The following CGNL1 variants were observed in gnomAD, a reference collection of about 807,000 sequenced individuals.
CGNL1 encodes the protein cingulin-like protein 1.
In CGNL1, 132 loss-of-function variants were observed where a neutral mutation model predicts 141.2. The ratio of observed to expected loss-of-function variants is 0.93; its 90% CI spans 0.81 to 1.08. CGNL1 has a LOEUF of 1.08. CGNL1 is among the 50% of genes least tolerant of loss of function. The pLI, the probability that CGNL1 is intolerant of heterozygous loss-of-function variation, is 0.00. For missense variants in CGNL1, 1,870 were observed against 1,588.6 expected, an observed-to-expected ratio of 1.18 and a Z score of -3.01; for synonymous variants, 690 against 622.1, an observed-to-expected ratio of 1.11 and a Z score of -1.63.
At chr15:57,398,783 T>C (rs1380836788) in intron 1 of CGNL1, among the ~76,000 whole-genome samples, 8 of 152,234 alleles carry the variant, frequency 5.3e-5, no homozygotes, top group African/African-American at 1.9e-4. Context: ...GCATTTTGAA[T>C]AGAGAACACC....
At position 57,399,798 on chromosome 15, in the gene CGNL1, C is replaced by T. The variant is rs183424025; in HGVS notation, c.-16+23231C>T. ...CTCCAGCACTGAGGCTGGAGGATTG[C>T]TTCAGCCCAGGAGTTTGAGACCAGC... is the stretch of plus-strand genomic sequence containing the variant. On this transcript the variant is annotated intron_variant, in intron 1 of 18. Transcript: ENST00000281282. Among the ~76,000 whole-genome samples, 493 of 152,158 alleles carry T rather than the reference C, an allele frequency of 3.2e-3. 5 individuals are homozygous for T. Among genetic ancestry groups the T allele is most frequent in the African/African-American group, 0.011 (473 of 41,504 alleles).
intron 10 of CGNL1, among the ~76,000 whole-genome samples, chr15:57,520,857 C>A (rs376998354): frequency 3.3e-5 from 5 of 152,158 alleles, no homozygotes; most frequent in African/African-American, 1.2e-4. Flanking sequence ...TCTGGTTAAG[C>A]TGCCCATTCC....
At position 57,442,399 on chromosome 15, in the gene CGNL1, A is replaced by C; in HGVS notation, c.1724A>C (p.Lys575Thr). ...EGSTDNDDAT[K>T]RKVNLVFEKI... ...AGCACTGATAATGACGATGCTACTA[A>C]AAGGAAAGTCAACTTGGTCTTTGAG... The change falls in exon 4 of 19, where the codon AAA becomes ACA. Residue 575 changes from lysine to threonine, a missense_variant. By Grantham distance (78) the Lys-to-Thr change is moderately conservative (BLOSUM62 -1). Transcript: ENST00000281282. 6.2e-7 allele frequency: 1 copy of C among 1,613,288 alleles called. No homozygotes were observed. Among genetic ancestry groups the C allele is most frequent in the East Asian group, 2.2e-5 (1 of 44,840 alleles).
At chr15:57,443,205 C>A (rs948678725) in intron 4 of CGNL1, among the ~76,000 whole-genome samples, 1 of 152,116 alleles carries the variant, frequency 6.6e-6, no homozygotes, top group Non-Finnish European at 1.5e-5. Context: ...TAAATAACTG[C>A]CTGTCTGATT....
At chr15:57,418,530 C>G (rs1301092252) in intron 1 of CGNL1, among the ~76,000 whole-genome samples, 1 of 152,196 alleles carries the variant, frequency 6.6e-6, no homozygotes, top group African/African-American at 2.4e-5. Flanking sequence ...CTCCTTCTTC[C>G]TTCTGTAAGA....
intron 8 of CGNL1, among the ~76,000 whole-genome samples, chr15:57,492,546 G>A (rs2063880648): frequency 6.6e-6 from 1 of 152,128 alleles, no homozygotes; most frequent in African/African-American, 2.4e-5. Flanking sequence ...AAATATAAAT[G>A]TAAATAGAAT....
chr15:57,516,085 G>T (rs2030760316), intron 8 of CGNL1, among the ~76,000 whole-genome samples: 1 of 148,120 alleles, frequency 6.8e-6, no homozygotes, highest in South Asian at 2.1e-4. Context: ...TGTGAACCCA[G>T]GAGGCGGAGC....
At chr15:57,467,683 TGTC>T (rs1483633581) in intron 8 of CGNL1, among the ~76,000 whole-genome samples, 75 of 138,930 alleles carry the variant, frequency 5.4e-4, no homozygotes, top group Non-Finnish European at 5.6e-4. Context: ...TAAGAGTCTC[TGTC>T]TTTTTTTTTT....
In CGNL1 at chr15:57,501,501, G is replaced by A. The variant is rs144265804; in HGVS notation, c.2404-15279G>A. Among the ~76,000 whole-genome samples, 567 of 152,338 alleles carry A rather than the reference G, an allele frequency of 3.7e-3. 6 individuals carry two copies. The highest frequency in any genetic ancestry group is 0.013 in the African/African-American group (531 of 41,580). On this transcript the variant is annotated intron_variant, in intron 8 of 18. Transcript: ENST00000281282. ...CCAGCAACTTACCTGCGGCAATGTG[G>A]GGAGTTAGGCTTATTGTCCAGTTCC... is the stretch of plus-strand genomic sequence containing the variant.
Position 57,395,485 on chromosome 15 carries a change from A to T in CGNL1, c.-16+18918A>T, listed in dbSNP as rs549402031. Among the ~76,000 whole-genome samples, 19 of 152,344 alleles carry T rather than the reference A, an allele frequency of 1.2e-4. No individual in the cohort carries two copies. The South Asian group carries it at 3.9e-3, about 32-fold the overall frequency. On this transcript the variant is annotated intron_variant, in intron 1 of 18. Transcript: ENST00000281282. The stretch of plus-strand genomic sequence containing the variant: ...ATGCTGTGATTCGCGTTATGCACAG[A>T]TGGCTACTGAATGCCCAGGTCACAG...
At chr15:57,541,014 C>A (rs1418192273) in intron 14 of CGNL1, among the ~76,000 whole-genome samples, 1 of 152,220 alleles carries the variant, frequency 6.6e-6, no homozygotes, top group Non-Finnish European at 1.5e-5. Flanking sequence ...CTGGCTTCCT[C>A]AGAAGGGTGC....
At chr15:57,394,317 G>A (rs189067193) in intron 1 of CGNL1, among the ~76,000 whole-genome samples, 1 of 151,814 alleles carries the variant, frequency 6.6e-6, no homozygotes, top group Non-Finnish European at 1.5e-5. Flanking sequence ...TAGAGATGGG[G>A]TTTCTCCATG....
At chr15:57,536,363 C>T (rs1427623976) in intron 14 of CGNL1, among the ~76,000 whole-genome samples, 2 of 152,118 alleles carry the variant, frequency 1.3e-5, no homozygotes, top group African/African-American at 2.4e-5. Flanking sequence ...TTTACATGCT[C>T]AGGACAATAT....
In CGNL1 at chr15:57,502,275, G is replaced by A. The variant is rs565898313; in HGVS notation, c.2404-14505G>A. ...TCAGTTGGTCTCAGTGATATTGTAGGAATGCAGACATCAGCTCAGTGTGAA... is the reference window on the plus strand; with the variant it reads ...TCAGTTGGTCTCAGTGATATTGTAGAAATGCAGACATCAGCTCAGTGTGAA... On this transcript the variant is annotated intron_variant, in intron 8 of 18. Coordinates refer to ENST00000281282, the MANE Select transcript of CGNL1 (RefSeq NM_032866.5). Among the ~76,000 whole-genome samples, 13 of 152,292 alleles carry A rather than the reference G, an allele frequency of 8.5e-5. 1 individual carries two copies. In the South Asian group the frequency reaches 2.1e-3, roughly 24 times the overall value.
chr15:57,387,880 T>C (rs1445132329), intron 1 of CGNL1, among the ~76,000 whole-genome samples: 3 of 152,242 alleles, frequency 2.0e-5, no homozygotes, highest in Non-Finnish European at 2.9e-5. Context: ...TAGCTTGTCA[T>C]TGACCCAGAC....
intron 1 of CGNL1, among the ~76,000 whole-genome samples, chr15:57,381,571 A>C (rs1430333062): frequency 3.3e-5 from 5 of 152,094 alleles, no homozygotes; most frequent in Non-Finnish European, 5.9e-5. Context: ...AAAAACAAAC[A>C]ACAAAAATAA....
rs1181225487 is a variant in CGNL1, at chr15:57,549,989, T to G, written c.*2499T>G. On this transcript the variant is annotated 3_prime_UTR_variant, in exon 19 of 19. Coordinates refer to ENST00000281282, the MANE Select transcript of CGNL1 (RefSeq NM_032866.5). ...TTGGGAGTGTGTGTCTGTTTTGGTTTGTGAGAAAGTAGCTGCCCCTCATTC... is the reference window on the plus strand; with the variant it reads ...TTGGGAGTGTGTGTCTGTTTTGGTTGGTGAGAAAGTAGCTGCCCCTCATTC... 3 of 152,214 alleles carry G rather than the reference T, an allele frequency of 2.0e-5. No individual in the cohort carries two copies. The highest frequency in any genetic ancestry group is 7.2e-5 in the African/African-American group (3 of 41,452). 9.4% of individuals were successfully genotyped at this position (152,214 alleles called of 1,614,324 possible). A position where few individuals can be genotyped will look rare whatever the true frequency, so the allele number is the denominator to read the frequency against.
intron 10 of CGNL1, among the ~76,000 whole-genome samples, chr15:57,520,909 A>G (rs2031208829): frequency 6.6e-6 from 1 of 152,162 alleles, no homozygotes; most frequent in South Asian, 2.1e-4. Context: ...TGTCATTAAT[A>G]TGAGCCAATT....
intron 4 of CGNL1, among the ~76,000 whole-genome samples, chr15:57,443,235 G>A (rs1345626219): frequency 5.3e-5 from 8 of 152,234 alleles, no homozygotes; most frequent in South Asian, 2.1e-4. Flanking sequence ...GAATTTGAGT[G>A]GGGACATAGA....
Sources: allele counts gnomAD v4.1 joint callset (sites outside exome capture counted in the v4.1 genomes callset), GRCh38; gene constraint gnomAD v4.1.1; transcripts MANE v1.5; gene names NCBI Gene and HGNC (gene_info 2026-07-23, HGNC 2026-07-21).